CFAP61: variants seen among roughly 807,000 people sequenced by gnomAD.
CFAP61 encodes the protein cilia- and flagella-associated protein 61.
Under a neutral mutation model 135.6 loss-of-function variants are expected in CFAP61, and 107 were observed. The observed-to-expected ratio is 0.79, with a 90% CI of 0.67 to 0.93. The LOEUF is 0.93. Among genes scored for constraint, CFAP61 ranks in the 40% least tolerant of loss-of-function variants. The pLI is 0.00. For missense variants in CFAP61, 1,507 were observed against 1,556.2 expected (o/e 0.97, Z 0.53); for synonymous variants, 575 against 578.5 (o/e 0.99, Z 0.09).
chr20:20,066,915 T>C (rs6081862), intron 2 of CFAP61, among the ~76,000 whole-genome samples: 50,116 of 151,974 alleles, frequency 0.33, 9,953 homozygotes, highest in Non-Finnish European at 0.44. Flanking sequence ...TACTGGGTGA[T>C]AAATTAGGAA....
At chr20:20,341,979 C>A in intron 26 of CFAP61, 58 bp downstream of exon 26, 1 of 1,196,352 alleles carries the variant, frequency 8.4e-7, no homozygotes, top group Non-Finnish European at 1.2e-6. Flanking sequence ...CAGCTGATAG[C>A]TGTTGATCAT....
At chr20:20,245,650 A>T (rs993921260) in intron 18 of CFAP61, among the ~76,000 whole-genome samples, 1 of 152,168 alleles carries the variant, frequency 6.6e-6, no homozygotes, top group African/African-American at 2.4e-5. Context: ...CCACCTAAAA[A>T]AAATAGGGAT....
intron 4 of CFAP61, 134 bp from the exon 5 acceptor site, chr20:20,075,055 A>T (rs2045957297): frequency 2.6e-6 from 2 of 776,870 alleles, no homozygotes; most frequent in Non-Finnish European, 4.5e-6. Context: ...TTGCCATTGC[A>T]GGTGGGGAGC....
intron 17 of CFAP61, chr20:20,221,972 T>C (rs928029968): frequency 1.3e-5 from 2 of 152,184 alleles, no homozygotes; most frequent in African/African-American, 4.8e-5. Flanking sequence ...CTTGAAGTGA[T>C]GACAATGAAC....
chr20:20,072,145 C>A (rs1055532231), intron 3 of CFAP61, among the ~76,000 whole-genome samples: 1 of 112,316 alleles, frequency 8.9e-6, no homozygotes, highest in Admixed American at 1.3e-4. Flanking sequence ...GATGGAGTCT[C>A]ACTCTGTCGT....
chr20:20,103,940 C>A (rs2048197800), intron 8 of CFAP61, among the ~76,000 whole-genome samples: 1 of 152,158 alleles, frequency 6.6e-6, no homozygotes. Flanking sequence ...ACTTTTGTTC[C>A]TCATGTAGGC....
At chr20:20,350,500 A>G (rs1425574361) in intron 26 of CFAP61, among the ~76,000 whole-genome samples, 2 of 152,118 alleles carry the variant, frequency 1.3e-5, no homozygotes, top group South Asian at 4.1e-4. Context: ...GTGATAGTGC[A>G]CACCAGTAGT....
chr20:20,320,788 G>A (rs758536047), intron 25 of CFAP61, among the ~76,000 whole-genome samples: 11 of 151,352 alleles, frequency 7.3e-5, no homozygotes, highest in African/African-American at 2.4e-5. Context: ...AACCAAAGTT[G>A]TAAACTAAGA....
chr20:20,304,306 G>C (rs113509312), intron 25 of CFAP61, among the ~76,000 whole-genome samples: 1 of 138,298 alleles, frequency 7.2e-6, no homozygotes, highest in Non-Finnish European at 1.5e-5. Flanking sequence ...GTGTGTGTGA[G>C]AGAGAGAGAG....
chr20:20,067,698 ATATT>A (rs1025369575), intron 2 of CFAP61, among the ~76,000 whole-genome samples: 52 of 145,508 alleles, frequency 3.6e-4, no homozygotes, highest in African/African-American at 1.0e-3. Context: ...ATTTTTTTAT[ATATT>A]CATATTTTAT....
chr20:20,202,793 T>C (rs564077531), intron 17 of CFAP61, among the ~76,000 whole-genome samples: 32 of 152,206 alleles, frequency 2.1e-4, no homozygotes, highest in African/African-American at 7.7e-4. Flanking sequence ...CATCAAGCTT[T>C]ATATGAGACC....
intron 15 of CFAP61, 44 bp from the exon 16 acceptor site, chr20:20,196,526 G>A (rs747509575): frequency 7.7e-6 from 11 of 1,421,858 alleles, no homozygotes; most frequent in South Asian, 1.2e-5. Flanking sequence ...CATGCCGTTT[G>A]TTTAAAATGC....
intron 13 of CFAP61, among the ~76,000 whole-genome samples, chr20:20,178,686 A>C (rs1401166727): frequency 2.7e-5 from 4 of 149,798 alleles, no homozygotes; most frequent in African/African-American, 9.9e-5. Context: ...TCTCCCCCCC[A>C]CCATTTCTGT....
chr20:20,140,834 C>T (rs532598959), intron 8 of CFAP61, among the ~76,000 whole-genome samples: 111 of 152,004 alleles, frequency 7.3e-4, no homozygotes, highest in African/African-American at 2.6e-3. Context: ...CAATGATAGA[C>T]TGGATTAAGA....
chr20:20,083,055 A>AAGGATAT (rs2046539452), intron 6 of CFAP61, among the ~76,000 whole-genome samples: 1 of 152,252 alleles, frequency 6.6e-6, no homozygotes, highest in Non-Finnish European at 1.5e-5. Context: ...CGTTTATAGC[A>AAGGATAT]GCACAATTTA....
intron 24 of CFAP61, among the ~76,000 whole-genome samples, chr20:20,296,410 CTTTCTTTT>C (rs1293692876): frequency 8.5e-5 from 10 of 117,332 alleles, no homozygotes; most frequent in Non-Finnish European, 1.8e-4. Context: ...TTCCTTCTTT[CTTTCTTTT>C]CTTTCTTCCT....
At chr20:20,356,521 T>G (rs1457711247) in intron 26 of CFAP61, among the ~76,000 whole-genome samples, 16 of 92,052 alleles carry the variant, frequency 1.7e-4, no homozygotes, top group Admixed American at 2.4e-4. Flanking sequence ...TGAGGGGAGG[T>G]GGTCACAGTG....
intron 11 of CFAP61, among the ~76,000 whole-genome samples, chr20:20,165,832 T>C (rs1002783570): frequency 6.6e-6 from 1 of 152,212 alleles, no homozygotes; most frequent in Non-Finnish European, 1.5e-5. Flanking sequence ...ATCTGGGACA[T>C]TGAAAAGAAA....
chr20:20,105,229 T>C (rs1473395415), intron 8 of CFAP61, among the ~76,000 whole-genome samples: 4 of 152,102 alleles, frequency 2.6e-5, no homozygotes, highest in Non-Finnish European at 5.9e-5. Context: ...GTCCCACCAA[T>C]GGGCTTCTCA....
Sources: gnomAD v4.1 joint callset for allele counts (sites outside exome capture counted in the v4.1 genomes callset) on GRCh38, gnomAD v4.1.1 for gene constraint, MANE v1.5 for transcripts, NCBI Gene and HGNC (gene_info 2026-07-23, HGNC 2026-07-21) for gene names.